PAX5: variants seen among roughly 807,000 people sequenced by gnomAD.
PAX5 encodes the protein paired box 5.
Under a neutral mutation model 43.7 loss-of-function variants are expected in PAX5, and 9 were observed. The observed-to-expected ratio is 0.21, with a 90% CI of 0.12 to 0.36. PAX5 has a LOEUF of 0.36. PAX5 is among the 10% of genes least tolerant of loss of function. The pLI, the probability that PAX5 is intolerant of heterozygous loss-of-function variation, is 1.00. For missense variants in PAX5, 383 were observed against 532.7 expected, an observed-to-expected ratio of 0.72 and a Z score of 2.77; for synonymous variants, 228 against 214.3, an observed-to-expected ratio of 1.06 and a Z score of -0.56.
rs1340414494 is a variant in PAX5, at chr9:36,882,118, A to G, written c.911-13T>C. 1 of 1,573,204 alleles carries G rather than the reference A, an allele frequency of 6.4e-7. No homozygotes were observed. Among genetic ancestry groups the G allele is most frequent in the South Asian group, 1.2e-5 (1 of 86,796 alleles). ...GCCAAGTCACGGCCTGAGGAATCAA[A>G]GCAACAAATCACAGGGTGAGCATCT... On this transcript the variant is annotated splice_polypyrimidine_tract_variant and intron_variant, in intron 7 of 9. Transcript: ENST00000358127. The surrounding 1 kb of genome is among the most constrained non-coding windows in gnomAD (Gnocchi z 4.4).
intron 2 of PAX5, among the ~76,000 whole-genome samples, chr9:37,016,963 A>T (rs999618955): frequency 6.6e-6 from 1 of 152,262 alleles, no homozygotes; most frequent in African/African-American, 2.4e-5. Flanking sequence ...AATTTTGACC[A>T]TAAGGTAAAA....
chr9:36,907,854 T>C (rs1203810758), intron 7 of PAX5, among the ~76,000 whole-genome samples: 1 of 152,162 alleles, frequency 6.6e-6, no homozygotes, highest in Admixed American at 6.5e-5. Context: ...AGGAATAGAC[T>C]GAGGAGACGT....
At chr9:36,853,259 T>C (rs1823341339) in intron 8 of PAX5, among the ~76,000 whole-genome samples, 1 of 152,220 alleles carries the variant, frequency 6.6e-6, no homozygotes, top group African/African-American at 2.4e-5. Flanking sequence ...TTACACATAA[T>C]GAAACACACA....
chr9:36,875,821 G>A (rs971672686), intron 8 of PAX5, among the ~76,000 whole-genome samples: 3 of 152,154 alleles, frequency 2.0e-5, no homozygotes, highest in Non-Finnish European at 4.4e-5. Flanking sequence ...GCAGCAACAA[G>A]CTAGGACAAG....
intron 6 of PAX5, among the ~76,000 whole-genome samples, chr9:36,951,652 T>C (rs1833020077): frequency 6.6e-6 from 1 of 152,252 alleles, no homozygotes; most frequent in South Asian, 2.1e-4. Context: ...CTTGGTTATT[T>C]TACACGTCTT....
intron 6 of PAX5, among the ~76,000 whole-genome samples, chr9:36,931,433 G>T (rs73648173): frequency 0.058 from 8,789 of 152,254 alleles, 317 homozygotes; most frequent in Admixed American, 0.11. Flanking sequence ...CAAATGAATG[G>T]CAAGTCAAGA....
chr9:36,914,276 C>A (rs369981031), intron 7 of PAX5, among the ~76,000 whole-genome samples: 1 of 152,196 alleles, frequency 6.6e-6, no homozygotes, highest in African/African-American at 2.4e-5. Context: ...TTTTAATATA[C>A]ACTGAATTTT....
At chr9:36,981,934 G>A (rs915338038) in intron 5 of PAX5, among the ~76,000 whole-genome samples, 5 of 152,270 alleles carry the variant, frequency 3.3e-5, no homozygotes, top group African/African-American at 9.6e-5. Context: ...TAAGGACTGA[G>A]AGTGAGGACA....
chr9:36,856,841 A>G (rs1823724590), intron 8 of PAX5, among the ~76,000 whole-genome samples: 1 of 152,226 alleles, frequency 6.6e-6, no homozygotes, highest in Admixed American at 6.5e-5. Context: ...CGGATTACAA[A>G]GATAGGAAGG....
At chr9:36,929,254 G>GAAGA (rs1332825692) in intron 6 of PAX5, among the ~76,000 whole-genome samples, 4 of 60,370 alleles carry the variant, frequency 6.6e-5, no homozygotes, top group Admixed American at 2.9e-4. Context: ...AGGAAGGAAG[G>GAAGA]AAGGAAGGAA....
At chr9:36,850,330 G>T (rs1306210156) in intron 8 of PAX5, among the ~76,000 whole-genome samples, 1 of 152,234 alleles carries the variant, frequency 6.6e-6, no homozygotes, top group Non-Finnish European at 1.5e-5. Flanking sequence ...CCTCCAGGTG[G>T]CTGTGGCCAC....
In PAX5 at chr9:36,976,750, C is replaced by A. The variant is rs993513017; in HGVS notation, c.605-10026G>T. Among the ~76,000 whole-genome samples, 2 of 152,194 alleles carry A rather than the reference C, an allele frequency of 1.3e-5. 1 individual carries two copies. The highest frequency in any genetic ancestry group is 4.1e-4 in the South Asian group (2 of 4,834). On this transcript the variant is annotated intron_variant, in intron 5 of 9. Transcript: ENST00000358127. ...AATTGCCAAATACGTTCAGGTTTGA[C>A]CAGAGTGAATCCGATTGTGCCGGGT...
intron 8 of PAX5, among the ~76,000 whole-genome samples, chr9:36,862,344 A>G (rs1824300857): frequency 6.6e-6 from 1 of 152,104 alleles, no homozygotes; most frequent in African/African-American, 2.4e-5. Flanking sequence ...AGCCTGGTCA[A>G]TTCTCCCGCC....
intron 3 of PAX5, among the ~76,000 whole-genome samples, chr9:37,013,760 C>G (rs758165043): frequency 6.6e-6 from 1 of 152,192 alleles, no homozygotes; most frequent in African/African-American, 2.4e-5. Flanking sequence ...TGATTCTCCT[C>G]TATCTCCCCT....
At chr9:36,881,967 G>A (rs780301852) in intron 8 of PAX5, 37 bp downstream of exon 8, 11 of 1,505,306 alleles carry the variant, frequency 7.3e-6, no homozygotes, top group African/African-American at 2.7e-5. Flanking sequence ...AACCCCGTCC[G>A]CTGCCTGCTG....
In PAX5 at chr9:36,837,232, T is replaced by C. The variant is rs548414649; in HGVS notation, c.*3328A>G. On this transcript the variant is annotated 3_prime_UTR_variant, in exon 10 of 10. Transcript: ENST00000358127. ...AGAGCCCCAAATGTCAATTTCCCCG[T>C]CTATAAAGTAGGCATCATGCTCTTT... The C allele has an allele frequency of 2.6e-5, 6 of 233,154 alleles. No homozygotes were observed. The highest frequency in any genetic ancestry group is 1.8e-4 in the South Asian group (1 of 5,524). 14.4% of individuals were successfully genotyped at this position (233,154 alleles called of 1,614,324 possible). A position where few individuals can be genotyped will look rare whatever the true frequency, so the allele number is the denominator to read the frequency against.
chr9:36,845,535 G>A (rs1255955392), intron 9 of PAX5, among the ~76,000 whole-genome samples: 2 of 152,244 alleles, frequency 1.3e-5, no homozygotes, highest in East Asian at 3.8e-4. Flanking sequence ...GAAGCTAGGA[G>A]TCTTCTGCAA....
At chr9:36,941,792 CG>C (rs1486111649) in intron 6 of PAX5, among the ~76,000 whole-genome samples, 1 of 48,180 alleles carries the variant, frequency 2.1e-5, no homozygotes, top group African/African-American at 8.2e-5. Flanking sequence ...GAGGTGGGGG[CG>C]GGGGTGGGAC....
At chr9:37,003,484 T>A (rs1029281706) in intron 4 of PAX5, among the ~76,000 whole-genome samples, 3 of 152,186 alleles carry the variant, frequency 2.0e-5, no homozygotes, top group African/African-American at 7.2e-5. Flanking sequence ...AATGTGATAA[T>A]CCTATTGGAA....
Sources: allele counts gnomAD v4.1 joint callset (sites outside exome capture counted in the v4.1 genomes callset), GRCh38; gene constraint gnomAD v4.1.1; non-coding constraint Gnocchi (gnomAD v3.1); transcripts MANE v1.5; gene names NCBI Gene and HGNC (gene_info 2026-07-23, HGNC 2026-07-21).